Variants in ART1 observed in about 807,000 individuals in gnomAD.
ART1 encodes the protein GPI-linked NAD(P)(+)--arginine ADP-ribosyltransferase 1.
ART1 carries 29 observed loss-of-function variants against 27.0 expected under a neutral mutation model. The observed-to-expected ratio is 1.08, with a 90% CI of 0.80 to 1.47. The LOEUF (loss-of-function observed/expected upper bound fraction) is 1.47. ART1 is among the 40% of genes most tolerant of loss of function. The probability of loss-of-function intolerance (pLI) is 0.00; values close to 1 mark genes in which losing one functional copy is unlikely to be tolerated. For missense variants in ART1, 480 were observed against 423.0 expected, an observed-to-expected ratio of 1.13 and a Z score of -1.18; for synonymous variants, 201 against 172.2, an observed-to-expected ratio of 1.17 and a Z score of -1.31.
At chr11:3,661,007 GACA>G (rs1375446311) in intron 3 of ART1, among the ~76,000 whole-genome samples, 1 of 152,178 alleles carries the variant, frequency 6.6e-6, no homozygotes, top group Non-Finnish European at 1.5e-5. Context: ...TCCTATCTTG[GACA>G]ACATCAGGAG....
chr11:3,659,802 G>C lies in ART1; in HGVS notation c.283G>C (p.Glu95Gln). ...GCAGGAGCGTCAGGCCAGGTGGCCAGAGTGGAGTCTCAGCCCCACCCGTCC... is the reference window on the plus strand; with the variant it reads ...GCAGGAGCGTCAGGCCAGGTGGCCACAGTGGAGTCTCAGCCCCACCCGTCC... ...QWQERQARWP[E>Q]WSLSPTRPSP... The change falls in exon 3 of 5, where the codon GAG (glutamate) becomes CAG (glutamine). Residue 95 changes from glutamate (E) to glutamine (Q), a missense_variant. Transcript: ENST00000250693. 1 of 1,612,894 alleles carries C rather than the reference G, an allele frequency of 6.2e-7. No homozygotes were observed. Among genetic ancestry groups the C allele is most frequent in the Non-Finnish European group, 8.5e-7 (1 of 1,179,712 alleles).
In ART1 at chr11:3,664,218, C is replaced by T. The variant is rs867003027; in HGVS notation, c.*29C>T. The T allele has an allele frequency of 1.9e-6, 3 of 1,599,058 alleles. No individual in the cohort carries two copies. The highest frequency in any genetic ancestry group is 3.3e-5 in the Admixed American group (2 of 59,846). On this transcript the variant is annotated 3_prime_UTR_variant, in exon 5 of 5. Coordinates refer to ENST00000250693, the MANE Select transcript of ART1 (RefSeq NM_004314.3). ...ATGAGACACGGGACAGCCTCGCCTG[C>T]TGCCTCTGCCCATCCTGAGGATGTT...
At chr11:3,654,775 A>T (rs549267584) in intron 1 of ART1, among the ~76,000 whole-genome samples, 3 of 148,602 alleles carry the variant, frequency 2.0e-5, no homozygotes, top group East Asian at 2.0e-4. Flanking sequence ...TCAGACATCA[A>T]GTCTTGTAAA....
intron 1 of ART1, among the ~76,000 whole-genome samples, chr11:3,645,566 C>G (rs2133943108): frequency 6.6e-6 from 1 of 152,336 alleles, no homozygotes; most frequent in East Asian, 1.9e-4. Context: ...ACACTGGTCA[C>G]CAAGGCCAGC....
At chr11:3,651,943 G>C (rs185340153) in intron 1 of ART1, among the ~76,000 whole-genome samples, 1 of 150,316 alleles carries the variant, frequency 6.7e-6, no homozygotes, top group Non-Finnish European at 1.5e-5. Context: ...AGGCTTAATC[G>C]CCACACACCA....
Position 3,662,035 on chromosome 11 carries a change from G to A in ART1, c.886+622G>A, listed in dbSNP as rs78266222. The stretch of plus-strand genomic sequence containing the variant: ...CACTGAGGTGAGGGACAGAAGGGCT[G>A]CTCCCCACAAAGTCCTCCTTTGGTC... On this transcript the variant is annotated intron_variant, in intron 4 of 4. Transcript: ENST00000250693. Among the ~76,000 whole-genome samples, 1,213 of 152,316 alleles carry A rather than the reference G, an allele frequency of 8.0e-3. 22 individuals carry two copies. The highest frequency in any genetic ancestry group is 0.026 in the African/African-American group (1,095 of 41,574).
At chr11:3,655,732 C>T (rs1271075549) in intron 1 of ART1, 1 of 152,092 alleles carries the variant, frequency 6.6e-6, no homozygotes, top group Non-Finnish European at 1.5e-5. Flanking sequence ...GTCATGTGCC[C>T]ATCCATGAGC....
At chr11:3,656,841 A>G (rs1360509789) in intron 1 of ART1, among the ~76,000 whole-genome samples, 1 of 152,162 alleles carries the variant, frequency 6.6e-6, no homozygotes, top group Non-Finnish European at 1.5e-5. Flanking sequence ...GATGCTAAAC[A>G]ACAATAACAA....
chr11:3,654,893 G>C (rs12273593), intron 1 of ART1, among the ~76,000 whole-genome samples: 28,883 of 151,900 alleles, frequency 0.19, 3,729 homozygotes, highest in African/African-American at 0.36. Context: ...AGCCTCTGAT[G>C]TATCTTGTTT....
chr11:3,653,749 A>G (rs114682140), intron 1 of ART1, among the ~76,000 whole-genome samples: 2 of 151,938 alleles, frequency 1.3e-5, no homozygotes, highest in Admixed American at 6.6e-5. Flanking sequence ...CACGTCCCCT[A>G]TAGCCCATCA....
At chr11:3,657,950 C>G (rs2077586985) in intron 1 of ART1, among the ~76,000 whole-genome samples, 1 of 152,206 alleles carries the variant, frequency 6.6e-6, no homozygotes, top group East Asian at 1.9e-4. Context: ...TATTTATGTA[C>G]TGACATGGAA....
chr11:3,657,489 C>G (rs889393004), intron 1 of ART1, among the ~76,000 whole-genome samples: 1 of 152,160 alleles, frequency 6.6e-6, no homozygotes, highest in Admixed American at 6.5e-5. Context: ...GCAGGAGGAT[C>G]GATTGAGCTC....
intron 1 of ART1, among the ~76,000 whole-genome samples, chr11:3,655,264 T>G (rs934060350): frequency 6.6e-6 from 1 of 152,146 alleles, no homozygotes; most frequent in Admixed American, 6.5e-5. Flanking sequence ...GACAAGTACA[T>G]GGGTGCAGTG....
rs199699575 is a variant in ART1 at position 3,660,023 on chromosome 11, C to T, written c.504C>T (p.Gly168=). 6 of 1,613,882 alleles carry T rather than the reference C, an allele frequency of 3.7e-6. No individual in the cohort carries two copies. The highest frequency in any genetic ancestry group is 2.5e-6 in the Non-Finnish European group (3 of 1,179,952). The change falls in exon 3 of 5, where the codon GGC becomes GGT. Residue 168 remains glycine, a synonymous_variant. Transcript: ENST00000250693. The part of the protein sequence containing the change: ...LTEALQLLGS[G]QRPPRCHQVF... ...AGGCCCTGCAGCTCCTGGGCAGCGGCCAGCGTCCACCCCGGTGCCACCAGG... is the reference window on the plus strand; with the variant it reads ...AGGCCCTGCAGCTCCTGGGCAGCGGTCAGCGTCCACCCCGGTGCCACCAGG...
rs1285557257 is a variant in ART1 at position 3,660,147 on chromosome 11, G to A, written c.628G>A (p.Ala210Thr). The change falls in exon 3 of 5, where the codon GCC (alanine) becomes ACC (threonine). Residue 210 changes from alanine to threonine, a missense_variant. By Grantham distance (58) the Ala-to-Thr change is moderately conservative (BLOSUM62 0). Transcript: ENST00000250693. ...TTCTGCCTCCCTGAAGCATGTTGCA[G>A]CCCAGCAGTTTGGTGAGGACACCTT... is the stretch of plus-strand genomic sequence containing the variant. ...FASASLKHVA[A>T]QQFGEDTFFG... The A allele has an allele frequency of 1.9e-6, 3 of 1,613,978 alleles. No individual in the cohort carries two copies. Among genetic ancestry groups the A allele is most frequent in the African/African-American group, 1.3e-5 (1 of 75,060 alleles).
intron 4 of ART1, among the ~76,000 whole-genome samples, chr11:3,663,033 ATCATCTCATCTCATC>A (rs1554883211): frequency 3.6e-5 from 3 of 82,410 alleles, no homozygotes; most frequent in African/African-American, 9.6e-5. Flanking sequence ...ATCTCATCTC[ATCATCTCATCTCATC>A]TCATCTCATC....
chr11:3,663,511 A>T (rs1330964064), intron 4 of ART1, among the ~76,000 whole-genome samples: 1 of 152,178 alleles, frequency 6.6e-6, no homozygotes, highest in Admixed American at 6.5e-5. Context: ...GAAGGCAGTT[A>T]AGTTAGACCC....
chr11:3,662,796 A>G (rs145376744), intron 4 of ART1, among the ~76,000 whole-genome samples: 2,276 of 152,304 alleles, frequency 0.015, 49 homozygotes, highest in African/African-American at 0.05. Context: ...GTGAGCCATG[A>G]TTGTGCCATT....
At chr11:3,647,834 G>GA (rs199872848) in intron 1 of ART1, among the ~76,000 whole-genome samples, 279 of 142,276 alleles carry the variant, frequency 2.0e-3, no homozygotes, top group Non-Finnish European at 3.1e-3. Flanking sequence ...CAATGAGGCT[G>GA]AAAAAAAAAA....
Sources: allele counts gnomAD v4.1 joint callset (sites outside exome capture counted in the v4.1 genomes callset), GRCh38; gene constraint gnomAD v4.1.1; transcripts MANE v1.5; gene names NCBI Gene and HGNC (gene_info 2026-07-23, HGNC 2026-07-21).